Variants in FGD4 observed in about 807,000 individuals in gnomAD.
FGD4 encodes FYVE, RhoGEF and PH domain containing 4.
In FGD4, 42 loss-of-function variants were observed where a neutral mutation model predicts 102.0. That is an observed-to-expected ratio of 0.41 (90% CI 0.32 to 0.53). The LOEUF (loss-of-function observed/expected upper bound fraction) is 0.53. Among genes scored for constraint, FGD4 ranks in the 20% least tolerant of loss-of-function variants. FGD4 has a pLI of 0.21. For missense variants in FGD4, 902 were observed against 1,078.2 expected, an observed-to-expected ratio of 0.84 and a Z score of 2.29; for synonymous variants, 380 against 375.7, an observed-to-expected ratio of 1.01 and a Z score of -0.13.
chr12:32,505,099 A>C (rs894906091), intron 1 of FGD4, among the ~76,000 whole-genome samples: 2 of 152,158 alleles, frequency 1.3e-5, no homozygotes, highest in Non-Finnish European at 2.9e-5. Flanking sequence ...AATACTAGGG[A>C]TCTGAAGTGG....
At chr12:32,529,356 A>G (rs1172532165) in intron 1 of FGD4, among the ~76,000 whole-genome samples, 1 of 151,090 alleles carries the variant, frequency 6.6e-6, no homozygotes, top group Admixed American at 6.6e-5. Flanking sequence ...CGATCTCTTA[A>G]CCTTGTGATC....
rs1291679199 is a variant in FGD4, at chr12:32,620,511, T to TC, written c.1922+641_1922+642insC. On this transcript the variant is annotated intron_variant, in intron 11 of 16. Coordinates refer to ENST00000534526, the MANE Select transcript of FGD4 (RefSeq NM_001370298.3). The stretch of plus-strand genomic sequence containing the variant: ...AACATTCCCCTAGCCATAACCATTT[T>TC]TTTTCTTTCTTTTTTTTTTTTTTTT... 1.2e-3 allele frequency among the ~76,000 whole-genome samples: 154 copies of TC among 130,432 alleles called. 1 individual carries two copies. Among genetic ancestry groups the TC allele is most frequent in the African/African-American group, 4.5e-3 (144 of 32,342 alleles). The allele number at this position is 130,432 out of a possible 152,430, so 85.6% of individuals were successfully genotyped here. A position where few individuals can be genotyped will look rare whatever the true frequency, so the allele number is the denominator to read the frequency against.
chr12:32,597,286 G>A (rs931578156), intron 4 of FGD4, among the ~76,000 whole-genome samples: 16 of 152,312 alleles, frequency 1.1e-4, no homozygotes, highest in South Asian at 6.2e-4. Context: ...AGAGATGAGC[G>A]AAACAGGGTG....
intron 1 of FGD4, among the ~76,000 whole-genome samples, chr12:32,408,417 A>G (rs968895870): frequency 2.6e-5 from 4 of 151,986 alleles, no homozygotes; most frequent in African/African-American, 9.7e-5. Context: ...TCCGCCCACC[A>G]CGGCCTCACA....
intron 1 of FGD4, among the ~76,000 whole-genome samples, chr12:32,485,436 A>ACTTT (rs1555187207): frequency 1.4e-4 from 16 of 114,218 alleles, no homozygotes; most frequent in Non-Finnish European, 1.6e-4. Context: ...TTTAAGACCA[A>ACTTT]TTTTTTTTTT....
chr12:32,630,613 G>A (rs988462390), intron 14 of FGD4, among the ~76,000 whole-genome samples: 2 of 152,036 alleles, frequency 1.3e-5, no homozygotes, highest in Non-Finnish European at 2.9e-5. Context: ...AGGAGATCAT[G>A]ACCATCCTGC....
rs1285802570 is a variant in FGD4 at position 32,544,678 on chromosome 12, G to A, written c.167-19459G>A. ...AGCCAGGAAGTGGAGGTTGCAGTGA[G>A]TTGAGATCGCACCATTGCACTCCAG... On this transcript the variant is annotated intron_variant, in intron 1 of 16. Coordinates refer to ENST00000534526, the MANE Select transcript of FGD4 (RefSeq NM_001370298.3). This position sits in a 1 kb window ranked among gnomAD's most constrained non-coding sequence, Gnocchi z 4.1. 6.6e-6 allele frequency among the ~76,000 whole-genome samples: 1 copy of A among 151,946 alleles called. No homozygotes were observed. Among genetic ancestry groups the A allele is most frequent in the Non-Finnish European group, 1.5e-5 (1 of 68,016 alleles).
At chr12:32,483,079 A>G (rs183437536) in intron 1 of FGD4, among the ~76,000 whole-genome samples, 3 of 152,316 alleles carry the variant, frequency 2.0e-5, no homozygotes, top group Admixed American at 6.5e-5. Context: ...AGCTTAGTGT[A>G]TTCTCCTTTT....
chr12:32,564,106 T>C, intron 1 of FGD4, 31 bp from the exon 2 acceptor site: 1 of 1,529,816 alleles, frequency 6.5e-7, no homozygotes. Context: ...GCCTCCATAC[T>C]TACCTGCCCT....
intron 1 of FGD4, among the ~76,000 whole-genome samples, chr12:32,431,414 C>T (rs976543543): frequency 7.2e-5 from 11 of 152,080 alleles, no homozygotes; most frequent in South Asian, 2.1e-4. Flanking sequence ...TACTTTTTTT[C>T]GTTTGGAAAA....
intron 1 of FGD4, among the ~76,000 whole-genome samples, chr12:32,527,650 G>A (rs112944850): frequency 4.9e-4 from 74 of 152,122 alleles, no homozygotes; most frequent in African/African-American, 1.8e-3. Flanking sequence ...GGATGGTCTC[G>A]ATCTCCTGAC....
At chr12:32,597,478 G>C (rs970840034) in intron 4 of FGD4, among the ~76,000 whole-genome samples, 1 of 152,204 alleles carries the variant, frequency 6.6e-6, no homozygotes, top group Non-Finnish European at 1.5e-5. Flanking sequence ...TCTCAGAAAA[G>C]ATGAATTTGG....
intron 1 of FGD4, among the ~76,000 whole-genome samples, chr12:32,503,839 G>A (rs1025768625): frequency 8.5e-5 from 13 of 152,144 alleles, no homozygotes; most frequent in Non-Finnish European, 1.5e-4. Context: ...AAAGCCTCAT[G>A]TATGATTATG....
chr12:32,628,611 C>T (rs1950314582), intron 14 of FGD4, among the ~76,000 whole-genome samples: 1 of 151,972 alleles, frequency 6.6e-6, no homozygotes. Flanking sequence ...CCAGCCTGAC[C>T]AACACGGAGA....
chr12:32,540,540 C>T (rs2088656), intron 1 of FGD4, among the ~76,000 whole-genome samples: 60,612 of 150,480 alleles, frequency 0.4, 13,461 homozygotes, highest in African/African-American at 0.6. Context: ...AGGAGATTGA[C>T]GCCTTTTTTT....
intron 2 of FGD4, among the ~76,000 whole-genome samples, chr12:32,569,899 G>A (rs989498894): frequency 1.3e-5 from 2 of 152,106 alleles, no homozygotes; most frequent in Non-Finnish European, 2.9e-5. Context: ...CAAAAATGTT[G>A]TGTTCACATT....
At chr12:32,459,101 T>G (rs1429731299) in intron 1 of FGD4, among the ~76,000 whole-genome samples, 1 of 152,078 alleles carries the variant, frequency 6.6e-6, no homozygotes, top group Non-Finnish European at 1.5e-5. Flanking sequence ...TTAATAATTT[T>G]GAAGTATTTA....
At chr12:32,574,077 C>T (rs1945921027) in intron 2 of FGD4, among the ~76,000 whole-genome samples, 1 of 152,138 alleles carries the variant, frequency 6.6e-6, no homozygotes, top group African/African-American at 2.4e-5. Context: ...AGAAAGCACA[C>T]AGTGCTTATG....
chr12:32,597,906 C>T (rs1948039698), intron 4 of FGD4, among the ~76,000 whole-genome samples: 1 of 152,134 alleles, frequency 6.6e-6, no homozygotes. Context: ...GAGATAGGGT[C>T]TTGCTCTGTC....
Sources: gnomAD v4.1 joint callset for allele counts (sites outside exome capture counted in the v4.1 genomes callset) on GRCh38, gnomAD v4.1.1 for gene constraint, Gnocchi (gnomAD v3.1) non-coding constraint, MANE v1.5 for transcripts, NCBI Gene and HGNC (gene_info 2026-07-23, HGNC 2026-07-21) for gene names.